ADAMTS9: variants seen among roughly 807,000 people sequenced by gnomAD.
ADAMTS9 encodes the protein ADAM metallopeptidase with thrombospondin type 1 motif 9, also known as A disintegrin and metalloproteinase with thrombospondin motifs 9.
A neutral mutation model predicts 257.1 loss-of-function variants in ADAMTS9; 107 were observed. That is an observed-to-expected ratio of 0.42 (90% CI 0.36 to 0.49). The LOEUF (loss-of-function observed/expected upper bound fraction) is 0.49. Ranked by LOEUF, ADAMTS9 falls within the 20% of genes least tolerant of loss-of-function variation. ADAMTS9 has a pLI of 0.03. For synonymous variants in ADAMTS9, 982 were observed against 880.9 expected (o/e 1.11, Z -2.03); for missense variants, 2,353 against 2,469.1 (o/e 0.95, Z 1.00).
chr3:64,604,178 A>C (rs2084516592), intron 24 of ADAMTS9, 49 bp downstream of exon 24: 2 of 1,599,806 alleles, frequency 1.3e-6, no homozygotes, highest in Non-Finnish European at 1.7e-6. Context: ...ATGTCTGAGA[A>C]TGTTAGCCCC....
At chr3:64,527,510 T>A (rs2082925191) in intron 38 of ADAMTS9, among the ~76,000 whole-genome samples, 1 of 152,104 alleles carries the variant, frequency 6.6e-6, no homozygotes, top group Non-Finnish European at 1.5e-5. Flanking sequence ...AGAAAATCCA[T>A]ACAGATAGTA....
At chr3:64,543,122 T>A (rs2083148536) in intron 32 of ADAMTS9, among the ~76,000 whole-genome samples, 1 of 152,086 alleles carries the variant, frequency 6.6e-6, no homozygotes, top group Non-Finnish European at 1.5e-5. Flanking sequence ...AGGCAATAAT[T>A]AATAGCCTAC....
intron 29 of ADAMTS9, among the ~76,000 whole-genome samples, chr3:64,567,079 C>T (rs1296038912): frequency 1.3e-5 from 2 of 152,130 alleles, no homozygotes; most frequent in Non-Finnish European, 1.5e-5. Context: ...GGCATGAGGC[C>T]ACTGCCCTGA....
intron 22 of ADAMTS9, among the ~76,000 whole-genome samples, chr3:64,610,396 C>T (rs72890803): frequency 0.022 from 3,298 of 151,866 alleles, 103 homozygotes; most frequent in African/African-American, 0.069. Context: ...TCAAGAACAA[C>T]GAGAAAAACA....
At chr3:64,615,767 G>A (rs144942163) in intron 20 of ADAMTS9, among the ~76,000 whole-genome samples, 193 bp downstream of exon 20, 3 of 152,200 alleles carry the variant, frequency 2.0e-5, no homozygotes, top group Non-Finnish European at 2.9e-5. Context: ...ATTTCCACAC[G>A]TCATGCCCAT....
chr3:64,568,607 T>C (rs1191526112), intron 28 of ADAMTS9, 72 bp from the exon 29 acceptor site: 1 of 1,570,428 alleles, frequency 6.4e-7, no homozygotes, highest in Non-Finnish European at 8.7e-7. Flanking sequence ...AACCTGCGTC[T>C]TGAGATGTTA....
chr3:64,634,939 A>T (rs1700457486), intron 12 of ADAMTS9, among the ~76,000 whole-genome samples: 1 of 152,146 alleles, frequency 6.6e-6, no homozygotes, highest in African/African-American at 2.4e-5. Flanking sequence ...CTAGAGTTGG[A>T]TCTTGGTTCC....
chr3:64,568,195 A>G (rs146612192), intron 29 of ADAMTS9, among the ~76,000 whole-genome samples, 173 bp downstream of exon 29: 153 of 152,282 alleles, frequency 1.0e-3, no homozygotes, highest in African/African-American at 3.3e-3. Context: ...CTGGAGCCCA[A>G]TGTCACACAG....
At chr3:64,628,603 A>C (rs1398073993) in intron 16 of ADAMTS9, among the ~76,000 whole-genome samples, 1 of 152,198 alleles carries the variant, frequency 6.6e-6, no homozygotes, top group East Asian at 1.9e-4. Context: ...ATTTGTAAAC[A>C]GTCCTCCAAG....
At chr3:64,553,825 G>T (rs2083298778) in intron 30 of ADAMTS9, among the ~76,000 whole-genome samples, 1 of 152,078 alleles carries the variant, frequency 6.6e-6, no homozygotes, top group Non-Finnish European at 1.5e-5. Flanking sequence ...AGTGCAGGAG[G>T]CCGGCTGAGC....
At position 64,681,381 on chromosome 3, in the gene ADAMTS9, T is replaced by A; in HGVS notation, c.517-18A>T. 1 of 1,600,062 alleles carries A rather than the reference T, an allele frequency of 6.2e-7. No homozygotes were observed. ...GTGCCCAGCTGCAAATGAAGAGAGATGGGAGGTTGATTTAACGTAACTCAG... is the reference window on the plus strand; with the variant it reads ...GTGCCCAGCTGCAAATGAAGAGAGAAGGGAGGTTGATTTAACGTAACTCAG... On this transcript the variant is annotated intron_variant, in intron 2 of 39. Coordinates refer to ENST00000498707, the MANE Select transcript of ADAMTS9 (RefSeq NM_182920.2).
chr3:64,681,085 T>C, intron 3 of ADAMTS9, 116 bp downstream of exon 3: 1 of 1,215,592 alleles, frequency 8.2e-7, no homozygotes, highest in African/African-American at 1.5e-5. Flanking sequence ...GAGGACTGAA[T>C]AAACAATAAT....
chr3:64,611,758 G>C (rs1014351193), intron 22 of ADAMTS9, among the ~76,000 whole-genome samples: 5 of 152,168 alleles, frequency 3.3e-5, no homozygotes, highest in African/African-American at 1.2e-4. Context: ...CCACTCAACT[G>C]TTGCTGTGCA....
intron 39 of ADAMTS9, among the ~76,000 whole-genome samples, chr3:64,521,282 A>C (rs2082848278): frequency 6.6e-6 from 1 of 152,210 alleles, no homozygotes; most frequent in African/African-American, 2.4e-5. Flanking sequence ...GCGATTCTTA[A>C]AAAGTAAAAA....
chr3:64,555,577 GT>G (rs879489976), intron 30 of ADAMTS9, among the ~76,000 whole-genome samples: 13,530 of 152,120 alleles, frequency 0.089, 1,440 homozygotes, highest in African/African-American at 0.23. Flanking sequence ...AGGGCTACCT[GT>G]GCAGTTGTGT....
intron 27 of ADAMTS9, among the ~76,000 whole-genome samples, chr3:64,595,804 C>A (rs367728592): frequency 6.6e-6 from 1 of 152,116 alleles, no homozygotes; most frequent in Non-Finnish European, 1.5e-5. Context: ...TTTTTCCCCC[C>A]CTTGGCACTG....
intron 31 of ADAMTS9, among the ~76,000 whole-genome samples, chr3:64,548,334 C>T (rs1477468997): frequency 1.3e-5 from 2 of 152,158 alleles, no homozygotes; most frequent in Non-Finnish European, 2.9e-5. Flanking sequence ...ACATTTCTTC[C>T]TTCTTTGGCT....
In ADAMTS9 at chr3:64,541,847, C is replaced by T. The variant is rs755114498; in HGVS notation, c.5188G>A (p.Val1730Ile). The stretch of plus-strand genomic sequence containing the variant: ...CAGTTGGCCAACTTACAGTTATAGA[C>T]ATTACGGCAGGTTTTTCGTTCTTCT... ...KPEERKTCRN[V>I]YNCELPQNCK... Residue 1730 changes from valine (V) to isoleucine (I), a missense_variant, in exon 33 of 40, where the codon GTC becomes ATC. Physicochemically the swap from Val to Ile is conservative, Grantham distance 29 (BLOSUM62 3). This residue lies in a region of ADAMTS9 where 1,402 missense variants were observed against 1,441.4 expected (regional missense o/e 0.97). Coordinates refer to ENST00000498707, the MANE Select transcript of ADAMTS9 (RefSeq NM_182920.2). The T allele has an allele frequency of 1.9e-6, 3 of 1,614,218 alleles. No homozygotes were observed. Among genetic ancestry groups the T allele is most frequent in the Admixed American group, 3.3e-5 (2 of 60,022 alleles).
At chr3:64,675,653 A>T (rs1454839437) in intron 3 of ADAMTS9, among the ~76,000 whole-genome samples, 2 of 152,150 alleles carry the variant, frequency 1.3e-5, no homozygotes, top group African/African-American at 4.8e-5. Context: ...GAGTTTCTAT[A>T]TAGCAGTTTC....
Sources: allele counts gnomAD v4.1 joint callset (sites outside exome capture counted in the v4.1 genomes callset), GRCh38; gene constraint gnomAD v4.1.1; regional missense constraint gnomAD v4.1.1; transcripts MANE v1.5; gene names NCBI Gene and HGNC (gene_info 2026-07-23, HGNC 2026-07-21).